CA2: variants seen among roughly 807,000 people sequenced by gnomAD.
CA2 encodes carbonate dehydratase II.
Under a neutral mutation model 27.8 loss-of-function variants are expected in CA2, and 23 were observed. That is an observed-to-expected ratio of 0.83 (90% CI 0.59 to 1.17). The LOEUF (loss-of-function observed/expected upper bound fraction) is 1.17, where lower values mean the gene tolerates loss of function less well. CA2 is among the 50% of genes most tolerant of loss of function. The probability of loss-of-function intolerance (pLI) is 0.00; values close to 1 mark genes in which losing one functional copy is unlikely to be tolerated. For synonymous variants in CA2, 99 were observed against 114.9 expected (o/e 0.86, Z 0.88); for missense variants, 300 against 314.7 (o/e 0.95, Z 0.35).
Position 85,464,131 on chromosome 8 carries a change from G to C in CA2, c.34+16G>C, listed in dbSNP as rs1201183760. 1.3e-6 allele frequency: 2 copies of C among 1,535,496 alleles called. No individual in the cohort carries two copies. Among genetic ancestry groups the C allele is most frequent in the Non-Finnish European group, 1.8e-6 (2 of 1,142,670 alleles). ...AAACACAACGGTGAGTGCCGGCGACGGCCAGCGCGGGGGCGCCCCGATCCC... is the reference window on the plus strand; with the variant it reads ...AAACACAACGGTGAGTGCCGGCGACCGCCAGCGCGGGGGCGCCCCGATCCC... On this transcript the variant is annotated intron_variant, in intron 1 of 6. Coordinates refer to ENST00000285379, the MANE Select transcript of CA2 (RefSeq NM_000067.3).
rs544980486 is a variant in CA2, at chr8:85,474,434, T to G, written c.444+18T>G. On this transcript the variant is annotated intron_variant, in intron 4 of 6. Transcript: ENST00000285379. Reference sequence around the variant, plus strand: ...TTTTGAAGGTTAGTTGATGACCCAATTCTTTTTTTTCCCTATTTTTAATAA... The same window carrying G: ...TTTTGAAGGTTAGTTGATGACCCAAGTCTTTTTTTTCCCTATTTTTAATAA... 1.5e-4 allele frequency: 231 copies of G among 1,536,128 alleles called. No individual in the cohort carries two copies. Among genetic ancestry groups the G allele is most frequent in the Non-Finnish European group, 2.0e-4 (223 of 1,109,090 alleles).
At position 85,475,837 on chromosome 8, in the gene CA2, G is replaced by T. The variant is rs368091458; in HGVS notation, c.484G>T (p.Val162Leu). The T allele has an allele frequency of 6.2e-7, 1 of 1,614,046 alleles. No individual in the cohort carries two copies. Among genetic ancestry groups the T allele is most frequent in the African/African-American group, 1.3e-5 (1 of 75,040 alleles). The change falls in exon 5 of 7, where the codon GTG (valine) becomes TTG (leucine). Residue 162 changes from valine to leucine, a missense_variant. Around this residue, in one of 3 missense-constraint regions of CA2, gnomAD observed 173 missense variants for 161.0 expected, o/e 1.07. Transcript: ENST00000285379. ...AKPGLQKVVD[V>L]LDSIKTKGKS... Reference sequence around the variant, plus strand: ...ACCGGGCCTTCAGAAAGTTGTTGATGTGCTGGATTCCATTAAAACAAAGGT... The same window carrying T: ...ACCGGGCCTTCAGAAAGTTGTTGATTTGCTGGATTCCATTAAAACAAAGGT...
chr8:85,469,944 A>G (rs1811690721), intron 2 of CA2, among the ~76,000 whole-genome samples: 1 of 152,156 alleles, frequency 6.6e-6, no homozygotes, highest in Non-Finnish European at 1.5e-5. Flanking sequence ...TTGAAGCTCT[A>G]AAAGTTTTCT....
In CA2 at chr8:85,464,333, T is replaced by C. The variant is rs1811586270; in HGVS notation, c.34+218T>C. ...CCCCTTGCCCCAGCTGCGAGGCCAC[T>C]GTGGAGGAATCCCCGCGTCCGCCGG... On this transcript the variant is annotated intron_variant, in intron 1 of 6. Transcript: ENST00000285379. The C allele has an allele frequency of 4.1e-5, 19 of 458,006 alleles. No homozygotes were observed. In the South Asian group the frequency reaches 7.4e-4, roughly 18 times the overall value. 28.4% of individuals were successfully genotyped at this position (458,006 alleles called of 1,614,324 possible).
rs1811874649 is a variant in CA2, at chr8:85,480,607, A to C, written c.664-63A>C. 2.6e-6 allele frequency: 4 copies of C among 1,524,944 alleles called. No individual in the cohort carries two copies. In the Admixed American group the frequency reaches 5.0e-5, roughly 19 times the overall value. 94.5% of individuals were successfully genotyped at this position (1,524,944 alleles called of 1,614,324 possible). On this transcript the variant is annotated intron_variant, in intron 6 of 6. Coordinates refer to ENST00000285379, the MANE Select transcript of CA2 (RefSeq NM_000067.3). ...CGGGGAATGTATTTAAAGATATAAC[A>C]CAAGTATATAACTGAATACCATTGT...
intron 5 of CA2, among the ~76,000 whole-genome samples, chr8:85,476,654 A>G (rs1339237688): frequency 6.6e-6 from 1 of 152,150 alleles, no homozygotes; most frequent in African/African-American, 2.4e-5. Context: ...CTTCCAGTAA[A>G]TCATTCCTGT....
intron 1 of CA2, 114 bp downstream of exon 1, chr8:85,464,229 G>A: frequency 2.0e-6 from 2 of 1,012,114 alleles, no homozygotes; most frequent in Non-Finnish European, 2.8e-6. Flanking sequence ...GCTGTTTACC[G>A]CGGCCGCGGG....
At position 85,477,184 on chromosome 8, in the gene CA2, G is replaced by A. The variant is rs1811813954; in HGVS notation, c.572G>A (p.Trp191Ter). Residue 191 changes from tryptophan (W) to a stop codon, truncating the protein, a stop_gained, in exon 6 of 7, where the codon TGG becomes TAG. Transcript: ENST00000285379. LOFTEE classifies it high-confidence loss of function. The part of the protein sequence containing the change: ...RGLLPESLDY[W>*]TYPGSLTTPP... Reference sequence around the variant, plus strand: ...CTCCTTCCTGAATCCTTGGATTACTGGACCTACCCAGGCTCACTGACCACC... The same window carrying A: ...CTCCTTCCTGAATCCTTGGATTACTAGACCTACCCAGGCTCACTGACCACC... 1 of 1,613,856 alleles carries A rather than the reference G, an allele frequency of 6.2e-7. No individual in the cohort carries two copies. The highest frequency in any genetic ancestry group is 1.1e-5 in the South Asian group (1 of 91,064).
At chr8:85,474,806 C>G (rs529518405) in intron 4 of CA2, among the ~76,000 whole-genome samples, 1 of 152,246 alleles carries the variant, frequency 6.6e-6, no homozygotes, top group African/African-American at 2.4e-5. Flanking sequence ...ACCGGTTGAG[C>G]TGCCCTCTAA....
chr8:85,478,794 T>C (rs1347536939), intron 6 of CA2, among the ~76,000 whole-genome samples: 1 of 152,234 alleles, frequency 6.6e-6, no homozygotes, highest in Non-Finnish European at 1.5e-5. Flanking sequence ...CAGGTCCTCC[T>C]CTATCTGAGT....
intron 6 of CA2, among the ~76,000 whole-genome samples, chr8:85,478,321 A>G (rs1199530900): frequency 2.6e-5 from 4 of 152,244 alleles, no homozygotes; most frequent in South Asian, 2.1e-4. Flanking sequence ...GTAGCATATC[A>G]AAGTGGGCCT....
At chr8:85,469,719 AAAGTC>A (rs1220005679) in intron 2 of CA2, among the ~76,000 whole-genome samples, 1 of 152,210 alleles carries the variant, frequency 6.6e-6, no homozygotes, top group Non-Finnish European at 1.5e-5. Context: ...ACAAATATTG[AAAGTC>A]AATGCCAGAA....
intron 1 of CA2, chr8:85,464,332 C>G (rs947410281): frequency 2.2e-6 from 1 of 464,096 alleles, no homozygotes; most frequent in Non-Finnish European, 3.7e-6. Flanking sequence ...TGCGAGGCCA[C>G]TGTGGAGGAA....
At chr8:85,470,439 C>G (rs1184852467) in intron 2 of CA2, among the ~76,000 whole-genome samples, 1 of 152,032 alleles carries the variant, frequency 6.6e-6, no homozygotes, top group Non-Finnish European at 1.5e-5. Flanking sequence ...CTAAAGATTA[C>G]TGGGACTAGT....
intron 3 of CA2, 139 bp downstream of exon 3, chr8:85,473,950 T>G: frequency 1.5e-6 from 1 of 684,918 alleles, no homozygotes. Flanking sequence ...CACATTTGCT[T>G]TTTATAACCT....
At chr8:85,473,625 A>G in intron 2 of CA2, 68 bp from the exon 3 acceptor site, 2 of 765,276 alleles carry the variant, frequency 2.6e-6, no homozygotes, top group Non-Finnish European at 4.7e-6. Context: ...ATGTGTGTAT[A>G]CCTATGTATA....
chr8:85,470,015 G>C (rs1254326619), intron 2 of CA2, among the ~76,000 whole-genome samples: 1 of 152,164 alleles, frequency 6.6e-6, no homozygotes, highest in Non-Finnish European at 1.5e-5. Flanking sequence ...TGTCATGCAC[G>C]CAGTAATGGT....
intron 2 of CA2, among the ~76,000 whole-genome samples, chr8:85,468,953 A>G (rs1443624636): frequency 6.6e-6 from 1 of 152,208 alleles, no homozygotes; most frequent in African/African-American, 2.4e-5. Context: ...AAGAGTTTAA[A>G]TAACTTGCTA....
In CA2 at chr8:85,480,669, G is replaced by T; in HGVS notation, c.664-1G>T. On this transcript the variant is annotated splice_acceptor_variant, in intron 6 of 6. Coordinates refer to ENST00000285379, the MANE Select transcript of CA2 (RefSeq NM_000067.3). LOFTEE classifies it high-confidence loss of function. ...TATCAATGTTTTATTGTGTCTTTTA[G>T]GTGTTGAAATTCCGTAAACTTAACT... is the stretch of plus-strand genomic sequence containing the variant. 8 of 1,612,030 alleles carry T rather than the reference G, an allele frequency of 5.0e-6. No individual in the cohort carries two copies. Among genetic ancestry groups the T allele is most frequent in the Non-Finnish European group, 6.8e-6 (8 of 1,178,216 alleles).
Sources: allele counts gnomAD v4.1 joint callset (sites outside exome capture counted in the v4.1 genomes callset), GRCh38; gene constraint gnomAD v4.1.1; regional missense constraint gnomAD v4.1.1; transcripts MANE v1.5; gene names NCBI Gene and HGNC (gene_info 2026-07-23, HGNC 2026-07-21).